MYO9B: variants seen among roughly 807,000 people sequenced by gnomAD.
The protein encoded by MYO9B is myosin IXB.
A neutral mutation model predicts 229.5 loss-of-function variants in MYO9B; 71 were observed. The ratio of observed to expected loss-of-function variants is 0.31; its 90% CI spans 0.26 to 0.38. The LOEUF is 0.38. Among genes scored for constraint, MYO9B ranks in the 10% least tolerant of loss-of-function variants. The pLI is 1.00. For synonymous variants in MYO9B, 1,185 were observed against 1,235.8 expected, an observed-to-expected ratio of 0.96 and a Z score of 0.86; for missense variants, 2,255 against 2,920.5, an observed-to-expected ratio of 0.77 and a Z score of 5.25.
chr19:17,185,267 G>A (rs888184908), intron 17 of MYO9B, among the ~76,000 whole-genome samples: 5 of 151,536 alleles, frequency 3.3e-5, no homozygotes, highest in African/African-American at 4.8e-5. Flanking sequence ...CCAGCTACTC[G>A]GGAGGCTGAG....
intron 1 of MYO9B, among the ~76,000 whole-genome samples, chr19:17,086,755 C>T (rs763295187): frequency 1.8e-4 from 27 of 152,094 alleles, no homozygotes; most frequent in Non-Finnish European, 3.5e-4. Flanking sequence ...TGGCACACGC[C>T]TGTTGTCCCA....
rs1474234594 is a variant in MYO9B, at chr19:17,210,369, G to A, written c.5785G>A (p.Glu1929Lys). 6.3e-6 allele frequency: 10 copies of A among 1,598,416 alleles called. No individual in the cohort carries two copies. The highest frequency in any genetic ancestry group is 8.5e-6 in the Non-Finnish European group (10 of 1,172,334). The change falls in exon 37 of 40, where the codon GAG (glutamate) becomes AAG (lysine). Residue 1929 changes from glutamate to lysine, a missense_variant. Coordinates refer to ENST00000682292, the MANE Select transcript of MYO9B (RefSeq NM_004145.4). The part of the protein sequence containing the change: ...PLKLGFSSPY[E>K]GVLNKSPKTR... ...CAAACTGGGGTTTTCGTCTCCCTAT[G>A]AGGGGGTCCTGGTATGTACGCGTTC...
intron 3 of MYO9B, among the ~76,000 whole-genome samples, chr19:17,149,270 C>T (rs755097587): frequency 1.4e-4 from 21 of 152,154 alleles, no homozygotes; most frequent in Non-Finnish European, 2.6e-4. Flanking sequence ...TGAGCCACTG[C>T]GCCCAGCTCC....
At position 17,162,888 on chromosome 19, in the gene MYO9B, G is replaced by A. The variant is rs2072619479; in HGVS notation, c.1537-100G>A. 1.6e-5 allele frequency: 21 copies of A among 1,310,410 alleles called. No homozygotes were observed. The South Asian group carries it at 2.9e-4, about 18-fold the overall frequency. The allele number at this position is 1,310,410 out of a possible 1,614,324, so 81.2% of individuals were successfully genotyped here. On this transcript the variant is annotated intron_variant, in intron 9 of 39. Coordinates refer to ENST00000682292, the MANE Select transcript of MYO9B (RefSeq NM_004145.4). ...GTTCTGCCGAGCAACAGGGACTGGGGACCTAACAGGTCACAGCCTGTAGAG... is the reference window on the plus strand; with the variant it reads ...GTTCTGCCGAGCAACAGGGACTGGGAACCTAACAGGTCACAGCCTGTAGAG...
chr19:17,167,636 C>T (rs1021047872), intron 10 of MYO9B, among the ~76,000 whole-genome samples: 2 of 151,926 alleles, frequency 1.3e-5, no homozygotes, highest in East Asian at 1.9e-4. Context: ...TGTGCAACCA[C>T]GCCTGGCTAA....
chr19:17,194,572 T>G lies in MYO9B; in HGVS notation c.3145T>G (p.Ser1049Ala). 6.2e-7 allele frequency: 1 copy of G among 1,612,578 alleles called. No homozygotes were observed. Residue 1049 changes from serine to alanine, a missense_variant, in exon 22 of 40, where the codon TCG becomes GCG. Ser to Ala is a moderately conservative substitution (Grantham distance 99). Transcript: ENST00000682292. ...TCACTCCAGCTTCAGCCAGATGATC[T>G]CGGAGAAGCAGAAGGCAGAAGAGAA... ...LQRKSFSQMI[S>A]EKQKAEEKER...
At chr19:17,200,881 C>G (rs1568299804) in intron 26 of MYO9B, 52 bp downstream of exon 26, 2 of 1,569,434 alleles carry the variant, frequency 1.3e-6, no homozygotes, top group Admixed American at 1.7e-5. Context: ...CCCAGGGGAA[C>G]CATCACAGCC....
intron 2 of MYO9B, among the ~76,000 whole-genome samples, chr19:17,127,243 A>T (rs1358967831): frequency 3.6e-5 from 5 of 139,146 alleles, no homozygotes; most frequent in Admixed American, 7.3e-5. Flanking sequence ...CAAACTTGTG[A>T]CCCACCCCCC....
intron 35 of MYO9B, chr19:17,207,659 T>G (rs925304924): frequency 5.3e-5 from 8 of 152,314 alleles, no homozygotes; most frequent in African/African-American, 1.9e-4. Flanking sequence ...GTGGATCACT[T>G]GAAGCCAGGA....
At chr19:17,164,495 C>T (rs1188215641) in intron 10 of MYO9B, among the ~76,000 whole-genome samples, 1 of 152,026 alleles carries the variant, frequency 6.6e-6, no homozygotes, top group Admixed American at 6.6e-5. Context: ...ATTCTCTTGC[C>T]TCAGCCTCCC....
intron 14 of MYO9B, among the ~76,000 whole-genome samples, chr19:17,178,897 G>A (rs898700393): frequency 1.3e-5 from 2 of 151,858 alleles, no homozygotes; most frequent in African/African-American, 4.8e-5. Flanking sequence ...AGCCAGGCGT[G>A]GTGTGCACCT....
intron 2 of MYO9B, among the ~76,000 whole-genome samples, chr19:17,123,853 A>G (rs1294898237): frequency 1.3e-5 from 2 of 152,038 alleles, no homozygotes; most frequent in Non-Finnish European, 2.9e-5. Flanking sequence ...TAAGAGAATA[A>G]ACCTCCTTAC....
At chr19:17,163,681 GTC>G (rs1228250777) in intron 10 of MYO9B, among the ~76,000 whole-genome samples, 1 of 152,024 alleles carries the variant, frequency 6.6e-6, no homozygotes, top group African/African-American at 2.4e-5. Context: ...TCTATTTTCT[GTC>G]TCTATCATTT....
rs150038557 is a variant in MYO9B at position 17,101,760 on chromosome 19, G to A, written c.43G>A (p.Ala15Thr). 560 of 1,596,628 alleles carry A rather than the reference G, an allele frequency of 3.5e-4. 3 individuals are homozygous for A. In the African/African-American group the frequency reaches 6.8e-3, roughly 19 times the overall value. ...AGGCAGCTCGGGCCGCCGGGAGCAG[G>A]CGGCCTACCACCTGCACATCTACCC... The part of the protein sequence containing the change: ...EAGSSGRREQ[A>T]AYHLHIYPQL... The change falls in exon 2 of 40, where the codon GCG (alanine) becomes ACG (threonine). Residue 15 changes from alanine to threonine, a missense_variant. Physicochemically the swap from Ala to Thr is moderately conservative, Grantham distance 58 (BLOSUM62 0). Transcript: ENST00000682292. This position sits in a 1 kb window ranked among gnomAD's most constrained non-coding sequence, Gnocchi z 4.7.
intron 35 of MYO9B, among the ~76,000 whole-genome samples, chr19:17,208,354 A>AAAGCAAC (rs1568304144): frequency 2.9e-4 from 11 of 37,596 alleles, no homozygotes; most frequent in Admixed American, 2.0e-3. Flanking sequence ...AAAAAAAAAA[A>AAAGCAAC]TCCAGATGGC....
chr19:17,191,082 A>G lies in MYO9B; in HGVS notation c.2689-15A>G. On this transcript the variant is annotated splice_polypyrimidine_tract_variant and intron_variant, in intron 19 of 39. Transcript: ENST00000682292. ...CACTCACCTAGATTTTCCTTTCTCC[A>G]CCCAAATAACCTAGGATTTCACCGA... The G allele has an allele frequency of 6.2e-7, 1 of 1,609,808 alleles. No homozygotes were observed. Among genetic ancestry groups the G allele is most frequent in the Admixed American group, 1.7e-5 (1 of 59,488 alleles).
intron 3 of MYO9B, among the ~76,000 whole-genome samples, chr19:17,151,260 G>A (rs2072473661): frequency 2.0e-5 from 3 of 146,948 alleles, no homozygotes; most frequent in East Asian, 4.0e-4. Context: ...CCTCGGCAAC[G>A]AGAGCAAAAC....
chr19:17,102,494 C>A lies in MYO9B; in HGVS notation c.777C>A (p.Leu259=). 1 of 1,613,590 alleles carries A rather than the reference C, an allele frequency of 6.2e-7. No individual in the cohort carries two copies. Among genetic ancestry groups the A allele is most frequent in the South Asian group, 1.1e-5 (1 of 91,068 alleles). ...TCCTCATCCACTGCCTCACCGCCCT[C>A]AGCCAGAAGGGCTACGCCAGCGGCG... ...TNFLIHCLTA[L]SQKGYASGVE... The change falls in exon 2 of 40, where the codon CTC becomes CTA. Residue 259 remains leucine, a synonymous_variant. Coordinates refer to ENST00000682292, the MANE Select transcript of MYO9B (RefSeq NM_004145.4).
intron 2 of MYO9B, among the ~76,000 whole-genome samples, chr19:17,125,554 G>A (rs1191017640): frequency 6.6e-6 from 1 of 152,142 alleles, no homozygotes; most frequent in Admixed American, 6.6e-5. Flanking sequence ...CACCCCTGTA[G>A]GGTTTGCTGT....
Sources: allele counts gnomAD v4.1 joint callset (sites outside exome capture counted in the v4.1 genomes callset), GRCh38; gene constraint gnomAD v4.1.1; non-coding constraint Gnocchi (gnomAD v3.1); transcripts MANE v1.5; gene names NCBI Gene and HGNC (gene_info 2026-07-23, HGNC 2026-07-21).